The following SYNPO2 variants were observed in gnomAD, a reference collection of about 807,000 sequenced individuals.
SYNPO2 encodes synaptopodin-2.
SYNPO2 carries 56 observed loss-of-function variants against 85.0 expected under a neutral mutation model. The ratio of observed to expected loss-of-function variants is 0.66; its 90% CI spans 0.53 to 0.82. SYNPO2 has a LOEUF of 0.82. Ranked by LOEUF, SYNPO2 falls within the 40% of genes least tolerant of loss-of-function variation. SYNPO2 has a pLI of 0.00. For synonymous variants in SYNPO2, 602 were observed against 591.1 expected (o/e 1.02, Z -0.27); for missense variants, 1,575 against 1,534.2 (o/e 1.03, Z -0.44).
chr4:118,940,854 G>A (rs1734287671), intron 1 of SYNPO2, among the ~76,000 whole-genome samples: 1 of 152,148 alleles, frequency 6.6e-6, no homozygotes, highest in South Asian at 2.1e-4. Context: ...CCCCCATCTC[G>A]CTCTGCTTTG....
intron 1 of SYNPO2, among the ~76,000 whole-genome samples, chr4:118,890,966 AAT>A (rs1732358485): frequency 6.6e-6 from 1 of 151,970 alleles, no homozygotes; most frequent in African/African-American, 2.4e-5. Context: ...AGGCCTCAAG[AAT>A]AGAGTGGGTA....
At position 118,890,332 on chromosome 4, in the gene SYNPO2, A is replaced by G. The variant is rs1196571632; in HGVS notation, c.105+1191A>G. 2.6e-5 allele frequency among the ~76,000 whole-genome samples: 4 copies of G among 152,198 alleles called. No individual in the cohort carries two copies. The East Asian group carries it at 7.7e-4, about 29-fold the overall frequency. ...AACCATAAAACAGTAGATGAAAAGC[A>G]GAGTTTTTATTACTGGAAAGTTCCT... On this transcript the variant is annotated intron_variant, in intron 1 of 4. Transcript: ENST00000307142.
chr4:118,902,226 C>T (rs951881076), intron 1 of SYNPO2, among the ~76,000 whole-genome samples: 12 of 151,616 alleles, frequency 7.9e-5, no homozygotes, highest in Non-Finnish European at 1.3e-4. Flanking sequence ...TTCAAATTTC[C>T]TCTTCATCCA....
chr4:118,905,443 CGT>C (rs3051210), intron 1 of SYNPO2, among the ~76,000 whole-genome samples: 2,305 of 150,206 alleles, frequency 0.015, 63 homozygotes, highest in African/African-American at 0.052. Context: ...TGTGTGTGTG[CGT>C]GTGTGTGTGT....
At chr4:119,007,242 ATATG>A (rs1283160830) in intron 1 of SYNPO2, among the ~76,000 whole-genome samples, 2 of 38,774 alleles carry the variant, frequency 5.2e-5, no homozygotes, top group Non-Finnish European at 9.7e-5. Context: ...ATATATATAT[ATATG>A]TATATACATA....
At position 118,917,305 on chromosome 4, in the gene SYNPO2, C is replaced by T. The variant is rs543704798; in HGVS notation, c.105+28164C>T. Reference sequence around the variant, plus strand: ...CTACTTGGGAGGCTGACAGGAGAATCGCTTGAACCCAGGAGGCAGAGTTTG... The same window carrying T: ...CTACTTGGGAGGCTGACAGGAGAATTGCTTGAACCCAGGAGGCAGAGTTTG... On this transcript the variant is annotated intron_variant, in intron 1 of 4. Transcript: ENST00000307142. Among the ~76,000 whole-genome samples, 244 of 152,162 alleles carry T rather than the reference C, an allele frequency of 1.6e-3. 4 individuals are homozygous for T. The highest frequency in any genetic ancestry group is 5.7e-3 in the African/African-American group (235 of 41,530).
chr4:119,025,604 AG>A (rs1290102240), intron 2 of SYNPO2, among the ~76,000 whole-genome samples: 4 of 152,166 alleles, frequency 2.6e-5, no homozygotes, highest in Admixed American at 2.0e-4. Context: ...GTAGAATCCA[AG>A]TAGAAGCTCA....
intron 1 of SYNPO2, among the ~76,000 whole-genome samples, chr4:118,964,766 C>G (rs939905517): frequency 2.0e-5 from 3 of 152,112 alleles, no homozygotes. Context: ...TAACTACTGT[C>G]TGTTAGACAT....
chr4:119,038,768 A>G (rs1390314177), intron 4 of SYNPO2, among the ~76,000 whole-genome samples: 1 of 152,240 alleles, frequency 6.6e-6, no homozygotes, highest in Non-Finnish European at 1.5e-5. Flanking sequence ...CAGTCAGGAC[A>G]GCAGTCAAGT....
intron 1 of SYNPO2, among the ~76,000 whole-genome samples, chr4:118,962,116 C>T (rs181371803): frequency 1.1e-4 from 16 of 152,318 alleles, no homozygotes; most frequent in Admixed American, 7.8e-4. Context: ...TGTGGTTAGA[C>T]TTTGAAGCAT....
At chr4:118,922,483 A>G (rs532952229) in intron 1 of SYNPO2, among the ~76,000 whole-genome samples, 1 of 152,108 alleles carries the variant, frequency 6.6e-6, no homozygotes, top group African/African-American at 2.4e-5. Flanking sequence ...GGAAACTCTA[A>G]TAGTTTACTT....
intron 1 of SYNPO2, among the ~76,000 whole-genome samples, chr4:118,870,723 C>T (rs559628077): frequency 6.6e-6 from 1 of 152,188 alleles, no homozygotes; most frequent in East Asian, 1.9e-4. Context: ...TTTTAATAAT[C>T]ACCATTCTGG....
At chr4:118,859,774 C>T (rs1400408256) in intron 1 of SYNPO2, among the ~76,000 whole-genome samples, 2 of 152,186 alleles carry the variant, frequency 1.3e-5, no homozygotes, top group African/African-American at 4.8e-5. Flanking sequence ...AATAGTACTC[C>T]ATTGTGTATA....
At position 118,944,587 on chromosome 4, in the gene SYNPO2, C is replaced by T. The variant is rs542949185; in HGVS notation, c.105+55446C>T. On this transcript the variant is annotated intron_variant, in intron 1 of 4. Coordinates refer to ENST00000307142, the MANE Select transcript of SYNPO2 (RefSeq NM_133477.3). Reference sequence around the variant, plus strand: ...AACTAGAGTTAGATGCTCTATGTTACGGCGATGGTTCAGGCCGTGTTTTAC... The same window carrying T: ...AACTAGAGTTAGATGCTCTATGTTATGGCGATGGTTCAGGCCGTGTTTTAC... 1.1e-4 allele frequency among the ~76,000 whole-genome samples: 17 copies of T among 152,128 alleles called. No homozygotes were observed. In the East Asian group the frequency reaches 1.4e-3, roughly 12 times the overall value.
At chr4:118,878,708 T>A (rs1441684731) in intron 1 of SYNPO2, among the ~76,000 whole-genome samples, 1 of 152,032 alleles carries the variant, frequency 6.6e-6, no homozygotes. Flanking sequence ...TAAAGGTATG[T>A]AAACACACCA....
chr4:118,868,756 A>T (rs934430949), intron 1 of SYNPO2, among the ~76,000 whole-genome samples: 2 of 152,234 alleles, frequency 1.3e-5, no homozygotes, highest in African/African-American at 4.8e-5. Flanking sequence ...GTTAGAAAGA[A>T]GGAAAATGGA....
At position 118,869,414 on chromosome 4, in the gene SYNPO2, T is replaced by C. The variant is rs73842277; in HGVS notation, c.12+18474T>C. Among the ~76,000 whole-genome samples, 654 of 152,352 alleles carry C rather than the reference T, an allele frequency of 4.3e-3. 2 individuals are homozygous for C. The highest frequency in any genetic ancestry group is 0.015 in the African/African-American group (612 of 41,580). ...TTTTGTCACTCTACTTGTTAGTCAA[T>C]AAACGTTGAAATCTGGAAATATAAA... On this transcript the variant is annotated intron_variant, in intron 1 of 4. Transcript: ENST00000610556.
At position 119,049,787 on chromosome 4, in the gene SYNPO2, G is replaced by A. The variant is rs148029303; in HGVS notation, c.3253-7614G>A. Among the ~76,000 whole-genome samples the A allele has an allele frequency of 3.9e-3, 587 of 152,266 alleles. 2 individuals carry two copies. The highest frequency in any genetic ancestry group is 0.013 in the African/African-American group (544 of 41,552). ...AGATGGTTTATGTTAAGCTGAGAAA[G>A]GCCCTCAGCTCCTCTGAGCTTTTCT... On this transcript the variant is annotated intron_variant, in intron 4 of 4. Coordinates refer to ENST00000307142, the MANE Select transcript of SYNPO2 (RefSeq NM_133477.3).
chr4:119,052,928 A>G (rs1739097746), intron 4 of SYNPO2, among the ~76,000 whole-genome samples: 1 of 152,214 alleles, frequency 6.6e-6, no homozygotes, highest in African/African-American at 2.4e-5. Flanking sequence ...TTTGATGGGT[A>G]AAGCTAATTT....
Sources: allele counts gnomAD v4.1 joint callset (sites outside exome capture counted in the v4.1 genomes callset), GRCh38; gene constraint gnomAD v4.1.1; transcripts MANE v1.5; gene names NCBI Gene and HGNC (gene_info 2026-07-23, HGNC 2026-07-21).